The following DNAH9 variants were observed in gnomAD, a reference collection of about 807,000 sequenced individuals.
DNAH9 encodes DNAH9 variant protein.
DNAH9 carries 345 observed loss-of-function variants against 471.6 expected under a neutral mutation model. That is an observed-to-expected ratio of 0.73 (90% CI 0.67 to 0.80). The LOEUF is 0.80. DNAH9 is among the 30% of genes least tolerant of loss of function. DNAH9 has a pLI of 0.00. For missense variants in DNAH9, 5,407 were observed against 5,609.2 expected, an observed-to-expected ratio of 0.96 and a Z score of 1.15; for synonymous variants, 2,093 against 2,123.6, an observed-to-expected ratio of 0.99 and a Z score of 0.40.
At chr17:11,775,977 C>T (rs1889992549) in intron 38 of DNAH9, among the ~76,000 whole-genome samples, 1 of 152,102 alleles carries the variant, frequency 6.6e-6, no homozygotes, top group African/African-American at 2.4e-5. Flanking sequence ...TGTGGAGTCT[C>T]CATTGTATTT....
chr17:11,882,008 C>T (rs779078543), intron 55 of DNAH9, among the ~76,000 whole-genome samples: 15 of 152,202 alleles, frequency 9.9e-5, no homozygotes, highest in South Asian at 2.1e-4. Context: ...CACAGGTCCA[C>T]GTGCCAGAAC....
chr17:11,705,766 C>T (rs1020080752), intron 26 of DNAH9, among the ~76,000 whole-genome samples: 2 of 152,132 alleles, frequency 1.3e-5, no homozygotes, highest in Admixed American at 1.3e-4. Context: ...GATAAATACT[C>T]AAGATGATGA....
intron 24 of DNAH9, among the ~76,000 whole-genome samples, chr17:11,702,456 G>A (rs1368206658): frequency 6.6e-6 from 1 of 152,204 alleles, no homozygotes; most frequent in African/African-American, 2.4e-5. Context: ...CAAAGCCATA[G>A]AGTAGATAAG....
chr17:11,851,870 T>A (rs535617558), intron 49 of DNAH9, among the ~76,000 whole-genome samples: 1 of 152,334 alleles, frequency 6.6e-6, no homozygotes, highest in Non-Finnish European at 1.5e-5. Context: ...GAGGAGTTAC[T>A]GTACGTGGAA....
chr17:11,964,275 A>G (rs1346987680), intron 68 of DNAH9, among the ~76,000 whole-genome samples: 1 of 152,184 alleles, frequency 6.6e-6, no homozygotes, highest in Non-Finnish European at 1.5e-5. Flanking sequence ...GGTGGCCTAG[A>G]GCAAGCCACA....
intron 6 of DNAH9, among the ~76,000 whole-genome samples, chr17:11,622,322 A>G (rs141919024): frequency 5.5e-4 from 84 of 152,344 alleles, no homozygotes; most frequent in African/African-American, 1.9e-3. Context: ...TCAGGATCAC[A>G]GAGACTATAA....
chr17:11,694,087 A>G (rs1018648874), intron 21 of DNAH9, 89 bp downstream of exon 21: 25 of 1,505,256 alleles, frequency 1.7e-5, no homozygotes, highest in African/African-American at 5.6e-5. Context: ...AGAAGTGAGT[A>G]TGGGTGCCTT....
At chr17:11,934,738 C>T (rs967864334) in intron 65 of DNAH9, among the ~76,000 whole-genome samples, 5 of 152,068 alleles carry the variant, frequency 3.3e-5, no homozygotes, top group African/African-American at 4.8e-5. Flanking sequence ...AGGCGTGAGC[C>T]GCCGCGCCTG....
chr17:11,858,469 T>C (rs1437220584), intron 50 of DNAH9, among the ~76,000 whole-genome samples: 1 of 152,248 alleles, frequency 6.6e-6, no homozygotes, highest in Non-Finnish European at 1.5e-5. Context: ...GATTCTCATA[T>C]GTCATTAATT....
chr17:11,757,518 A>G, intron 34 of DNAH9, 27 bp from the exon 35 acceptor site: 3 of 1,597,100 alleles, frequency 1.9e-6, no homozygotes, highest in Middle Eastern at 1.7e-4. Context: ...TGGAATATTC[A>G]CTAAACTGTA....
At chr17:11,780,954 G>T in intron 38 of DNAH9, 55 bp from the exon 39 acceptor site, 1 of 1,571,796 alleles carries the variant, frequency 6.4e-7, no homozygotes, top group South Asian at 1.2e-5. Flanking sequence ...TGCTGTCTCA[G>T]TACTGGCATC....
At chr17:11,724,906 G>T (rs563105552) in intron 27 of DNAH9, among the ~76,000 whole-genome samples, 79 of 152,216 alleles carry the variant, frequency 5.2e-4, no homozygotes, top group African/African-American at 1.9e-3. Flanking sequence ...TGGGGGCCCT[G>T]GTCTTCTCTT....
intron 45 of DNAH9, among the ~76,000 whole-genome samples, chr17:11,816,735 A>G (rs1015294605): frequency 1.3e-5 from 2 of 152,208 alleles, no homozygotes; most frequent in Non-Finnish European, 2.9e-5. Context: ...AAGGAGTCCC[A>G]TACTAACATA....
At chr17:11,731,864 G>T (rs1343448086) in intron 28 of DNAH9, among the ~76,000 whole-genome samples, 2 of 152,140 alleles carry the variant, frequency 1.3e-5, no homozygotes, top group Non-Finnish European at 2.9e-5. Context: ...AAACATACAT[G>T]TGCATGTGTC....
In DNAH9 at chr17:11,693,908, A is replaced by T. The variant is rs1165745154; in HGVS notation, c.4655A>T (p.Glu1552Val). The T allele has an allele frequency of 1.9e-6, 3 of 1,613,988 alleles. No individual in the cohort carries two copies. Among genetic ancestry groups the T allele is most frequent in the Non-Finnish European group, 2.5e-6 (3 of 1,179,990 alleles). The change falls in exon 21 of 69, where the codon GAG becomes GTG. Residue 1552 changes from glutamate to valine, a missense_variant. By Grantham distance (121) the Glu-to-Val change is moderately radical. Transcript: ENST00000262442. Reference sequence around the variant, plus strand: ...GAAGGCATCGACATTGACTTTAAAGAGCTAGCTTATGATGCCCAGAAAATT... The same window carrying T: ...GAAGGCATCGACATTGACTTTAAAGTGCTAGCTTATGATGCCCAGAAAATT... Reference protein sequence around the residue: ...RFEGIDIDFKELAYDAQKIPN... With the variant: ...RFEGIDIDFKVLAYDAQKIPN...
rs567906001 is a variant in DNAH9, at chr17:11,822,817, C to T, written c.9029C>T (p.Ser3010Leu). The change falls in exon 48 of 69, where the codon TCG becomes TTG. Residue 3010 changes from serine (S) to leucine (L), a missense_variant. Transcript: ENST00000262442. ...TEGIEPTVKQSISKFMAFVHT... is the reference protein window; with the variant it reads ...TEGIEPTVKQLISKFMAFVHT... ...TGGTTTTAGCCCACAGTAAAGCAGT[C>T]GATTAGCAAATTCATGGCCTTTGTC... is the stretch of plus-strand genomic sequence containing the variant. 18 of 1,614,190 alleles carry T rather than the reference C, an allele frequency of 1.1e-5. No homozygotes were observed. The highest frequency in any genetic ancestry group is 1.6e-4 in the Middle Eastern group (1 of 6,062).
At chr17:11,952,191 G>A (rs927106525) in intron 67 of DNAH9, among the ~76,000 whole-genome samples, 1 of 141,816 alleles carries the variant, frequency 7.1e-6, no homozygotes, top group Non-Finnish European at 1.5e-5. Flanking sequence ...CCAGGCTGGA[G>A]TTCAGTGGCA....
chr17:11,697,449 C>T (rs551519030), intron 22 of DNAH9, among the ~76,000 whole-genome samples: 1 of 152,180 alleles, frequency 6.6e-6, no homozygotes, highest in Non-Finnish European at 1.5e-5. Context: ...CTATCTAGGT[C>T]CCTATAGAGA....
In DNAH9 at chr17:11,680,873, A is replaced by G; in HGVS notation, c.3727A>G (p.Lys1243Glu). Reference protein sequence around the residue: ...EQQQFWEQFHKEAPFRFDSIH... With the variant: ...EQQQFWEQFHEEAPFRFDSIH... ...GCAGCAATTCTGGGAGCAATTCCAC[A>G]AAGAAGCCCCGTTCAGGTATGGGCC... is the stretch of plus-strand genomic sequence containing the variant. Residue 1243 changes from lysine to glutamate, a missense_variant, in exon 19 of 69, where the codon AAA (lysine) becomes GAA (glutamate). By Grantham distance (56) the Lys-to-Glu change is moderately conservative. This residue lies in a region of DNAH9 where 4,636 missense variants were observed against 4,900.3 expected (regional missense o/e 0.95). Coordinates refer to ENST00000262442, the MANE Select transcript of DNAH9 (RefSeq NM_001372.4). 6.2e-7 allele frequency: 1 copy of G among 1,612,004 alleles called. No individual in the cohort carries two copies. The highest frequency in any genetic ancestry group is 8.5e-7 in the Non-Finnish European group (1 of 1,179,194).
Sources: allele counts gnomAD v4.1 joint callset (sites outside exome capture counted in the v4.1 genomes callset), GRCh38; gene constraint gnomAD v4.1.1; regional missense constraint gnomAD v4.1.1; transcripts MANE v1.5; gene names NCBI Gene and HGNC (gene_info 2026-07-23, HGNC 2026-07-21).